Variants in WWOX observed in about 807,000 individuals in gnomAD.
WWOX encodes the protein WW domain containing oxidoreductase.
WWOX carries 69 observed loss-of-function variants against 46.2 expected under a neutral mutation model. That is an observed-to-expected ratio of 1.49 (90% CI 1.23 to 1.82). The LOEUF (loss-of-function observed/expected upper bound fraction) is 1.82, where lower values mean the gene tolerates loss of function less well. Ranked by LOEUF, WWOX falls within the 40% of genes most tolerant of loss-of-function variation. The pLI is 0.00. For missense variants in WWOX, 919 were observed against 542.6 expected, an observed-to-expected ratio of 1.69 and a Z score of -6.89; for synonymous variants, 359 against 202.6, an observed-to-expected ratio of 1.77 and a Z score of -6.56.
chr16:78,477,412 C>A (rs1364624744), intron 8 of WWOX, among the ~76,000 whole-genome samples: 2 of 151,612 alleles, frequency 1.3e-5, no homozygotes, highest in Admixed American at 1.3e-4. Flanking sequence ...TTAAGTGTTA[C>A]TGTGTAATTT....
rs149611573 is a variant in WWOX, at chr16:78,392,790, G to A, written c.605+5842G>A. On this transcript the variant is annotated intron_variant, in intron 6 of 8. Coordinates refer to ENST00000566780, the MANE Select transcript of WWOX (RefSeq NM_016373.4). ...TCCAAGAGTACACACAGGCCTGATT[G>A]CCAAAGCCAGTTTTCTTCAGGCCCA... 1.3e-3 allele frequency among the ~76,000 whole-genome samples: 202 copies of A among 152,196 alleles called. 2 individuals carry two copies. The highest frequency in any genetic ancestry group is 4.6e-3 in the African/African-American group (191 of 41,522).
intron 6 of WWOX, among the ~76,000 whole-genome samples, chr16:78,393,597 T>C (rs1279194709): frequency 6.6e-6 from 1 of 152,202 alleles, no homozygotes; most frequent in Non-Finnish European, 1.5e-5. Context: ...TGACGACACC[T>C]GAGATATTTA....
At chr16:79,141,210 C>G (rs1333572649) in intron 8 of WWOX, among the ~76,000 whole-genome samples, 1 of 152,202 alleles carries the variant, frequency 6.6e-6, no homozygotes, top group East Asian at 1.9e-4. Flanking sequence ...TCTTATCTAC[C>G]TATGACCTGG....
At chr16:78,174,065 C>T (rs2035251701) in intron 5 of WWOX, among the ~76,000 whole-genome samples, 1 of 152,124 alleles carries the variant, frequency 6.6e-6, no homozygotes, top group Admixed American at 6.5e-5. Context: ...GGCCCTGTCT[C>T]CAACTACCAT....
chr16:78,693,497 A>C (rs1321544993), intron 8 of WWOX, among the ~76,000 whole-genome samples: 1 of 152,198 alleles, frequency 6.6e-6, no homozygotes, highest in African/African-American at 2.4e-5. Context: ...ATGATAATAC[A>C]AATATAATAG....
At chr16:78,607,460 A>G (rs1222115943) in intron 8 of WWOX, among the ~76,000 whole-genome samples, 2 of 152,164 alleles carry the variant, frequency 1.3e-5, no homozygotes, top group Non-Finnish European at 2.9e-5. Context: ...TGTTTCAAAA[A>G]TCTTTCAAAA....
intron 8 of WWOX, among the ~76,000 whole-genome samples, chr16:78,449,921 G>C (rs1185646958): frequency 3.3e-5 from 5 of 151,166 alleles, no homozygotes; most frequent in Non-Finnish European, 7.4e-5. Flanking sequence ...AAGCCATAAA[G>C]CTTGGTAAGG....
At chr16:78,406,796 T>G (rs1213522956) in intron 6 of WWOX, among the ~76,000 whole-genome samples, 1 of 152,008 alleles carries the variant, frequency 6.6e-6, no homozygotes, top group African/African-American at 2.4e-5. Context: ...CTGGTTAGTT[T>G]TTGTATTTTT....
chr16:78,391,966 A>T (rs1761173563), intron 6 of WWOX, among the ~76,000 whole-genome samples: 1 of 150,968 alleles, frequency 6.6e-6, no homozygotes, highest in Non-Finnish European at 1.5e-5. Flanking sequence ...AATAAGGTCG[A>T]TGCATTTTTA....
chr16:78,981,775 C>A (rs890815815), intron 8 of WWOX: 1 of 152,172 alleles, frequency 6.6e-6, no homozygotes, highest in Admixed American at 6.5e-5. Flanking sequence ...GTAGATACAA[C>A]CAGCTCCGTT....
rs148241574 is a variant in WWOX, at chr16:78,298,649, C to T, written c.517-88211C>T. ...TCTACTAAAAATATAAAATTTGCCA[C>T]GCTTAGTGGCACATGCCTGTAATTC... On this transcript the variant is annotated intron_variant, in intron 5 of 8. Coordinates refer to ENST00000566780, the MANE Select transcript of WWOX (RefSeq NM_016373.4). Among the ~76,000 whole-genome samples the T allele has an allele frequency of 6.6e-4, 100 of 152,162 alleles. 1 individual carries two copies. Among genetic ancestry groups the T allele is most frequent in the African/African-American group, 2.1e-3 (88 of 41,524 alleles).
chr16:78,691,920 C>T (rs564398165), intron 8 of WWOX, among the ~76,000 whole-genome samples: 3 of 152,246 alleles, frequency 2.0e-5, no homozygotes, highest in Non-Finnish European at 2.9e-5. Flanking sequence ...CAGCCTTTCC[C>T]ATGCTATTCT....
intron 8 of WWOX, among the ~76,000 whole-genome samples, chr16:78,878,301 T>G (rs1326533315): frequency 6.6e-6 from 1 of 152,152 alleles, no homozygotes; most frequent in Non-Finnish European, 1.5e-5. Context: ...AATGATGGCC[T>G]AGCATGACAT....
intron 8 of WWOX, among the ~76,000 whole-genome samples, chr16:78,454,176 C>G (rs1567582853): frequency 6.6e-6 from 1 of 152,156 alleles, no homozygotes; most frequent in Non-Finnish European, 1.5e-5. Flanking sequence ...AATTGTTTCC[C>G]AAACTTTCAA....
At chr16:79,054,098 C>T (rs1456188849) in intron 8 of WWOX, among the ~76,000 whole-genome samples, 1 of 152,104 alleles carries the variant, frequency 6.6e-6, no homozygotes, top group Non-Finnish European at 1.5e-5. Flanking sequence ...ATATTCAGCA[C>T]TGGCTGTATA....
At chr16:78,128,048 G>C (rs561332627) in intron 4 of WWOX, among the ~76,000 whole-genome samples, 6 of 152,192 alleles carry the variant, frequency 3.9e-5, no homozygotes, top group Non-Finnish European at 8.8e-5. Flanking sequence ...AATAGTGTAT[G>C]AATATAAGGT....
intron 2 of WWOX, among the ~76,000 whole-genome samples, chr16:78,108,814 C>G (rs1437846004): frequency 6.6e-6 from 1 of 152,154 alleles, no homozygotes; most frequent in African/African-American, 2.4e-5. Context: ...ATGTTGAAAG[C>G]GCATCTCTTC....
intron 8 of WWOX, among the ~76,000 whole-genome samples, chr16:78,901,072 G>A (rs914222848): frequency 6.6e-6 from 1 of 152,154 alleles, no homozygotes; most frequent in Admixed American, 6.5e-5. Context: ...ATCAGAGTTT[G>A]CACACATCTA....
intron 8 of WWOX, among the ~76,000 whole-genome samples, chr16:78,498,091 G>C (rs1405656720): frequency 6.6e-6 from 1 of 151,634 alleles, no homozygotes; most frequent in Non-Finnish European, 1.5e-5. Context: ...TGTAGTCCCA[G>C]CTACTTGGGA....
Sources: allele counts gnomAD v4.1 joint callset (sites outside exome capture counted in the v4.1 genomes callset), GRCh38; gene constraint gnomAD v4.1.1; transcripts MANE v1.5; gene names NCBI Gene and HGNC (gene_info 2026-07-23, HGNC 2026-07-21).